The following RASA1 variants were observed in gnomAD, a reference collection of about 807,000 sequenced individuals.
RASA1 encodes ras GTPase-activating protein 1.
RASA1 carries 25 observed loss-of-function variants against 132.2 expected under a neutral mutation model. The ratio of observed to expected loss-of-function variants is 0.19; its 90% CI spans 0.14 to 0.26. The LOEUF is 0.26. Among genes scored for constraint, RASA1 ranks in the 10% least tolerant of loss-of-function variants. RASA1 has a pLI of 1.00. For synonymous variants in RASA1, 477 were observed against 449.9 expected (o/e 1.06, Z -0.76); for missense variants, 964 against 1,299.2 (o/e 0.74, Z 3.97).
rs572913754 is a variant in RASA1 at position 87,346,717 on chromosome 5, A to C, written c.1095A>C (p.Leu365=). Residue 365 remains leucine, a synonymous_variant, in exon 7 of 25, where the codon CTA becomes CTC. Transcript: ENST00000274376. ...KISKQEAYNL[L]MTVGQVCSFL... is the part of the protein sequence containing the mutation. ...CCAAACAGGAAGCTTATAATTTACT[A>C]ATGACAGGTACTTACATATTTACTT... 1.9e-6 allele frequency: 3 copies of C among 1,549,090 alleles called. No homozygotes were observed. In the South Asian group the frequency reaches 3.4e-5, roughly 17 times the overall value.
In RASA1 at chr5:87,268,116, T is replaced by G. The variant is rs1420614472; in HGVS notation, c.-336T>G. 9.5e-6 allele frequency: 4 copies of G among 422,010 alleles called. No individual in the cohort carries two copies. The highest frequency in any genetic ancestry group is 1.7e-5 in the Non-Finnish European group (4 of 239,470). The allele number at this position is 422,010 out of a possible 1,614,324, so 26.1% of individuals were successfully genotyped here. Reference sequence around the variant, plus strand: ...CGGTAGCAGCCTCAGCCTCTTTCCCTGTGCTTCCTTTCCTCTTTAGTGCAG... The same window carrying G: ...CGGTAGCAGCCTCAGCCTCTTTCCCGGTGCTTCCTTTCCTCTTTAGTGCAG... On this transcript the variant is annotated 5_prime_UTR_variant, in exon 1 of 25. Transcript: ENST00000274376.
chr5:87,372,374 A>G (rs1365686909), intron 13 of RASA1, among the ~76,000 whole-genome samples, 179 bp downstream of exon 13: 1 of 152,182 alleles, frequency 6.6e-6, no homozygotes, highest in African/African-American at 2.4e-5. Context: ...TTCTTAGTCC[A>G]TGCCAACTGT....
intron 1 of RASA1, among the ~76,000 whole-genome samples, chr5:87,279,085 A>G (rs926197223): frequency 6.6e-6 from 1 of 152,076 alleles, no homozygotes; most frequent in Non-Finnish European, 1.5e-5. Flanking sequence ...CTCTACAAAA[A>G]AAACAAAAAT....
intron 1 of RASA1, among the ~76,000 whole-genome samples, chr5:87,300,971 G>T (rs1283566998): frequency 6.6e-6 from 1 of 152,156 alleles, no homozygotes; most frequent in African/African-American, 2.4e-5. Context: ...TCCTGGCTGT[G>T]AGTCACCCAT....
At chr5:87,330,485 G>T (rs191097875) in intron 1 of RASA1, among the ~76,000 whole-genome samples, 3 of 152,190 alleles carry the variant, frequency 2.0e-5, no homozygotes, top group Admixed American at 2.0e-4. Flanking sequence ...GATGAGTTTG[G>T]CTAAACTATC....
At chr5:87,372,027 A>AT in intron 12 of RASA1, 91 bp from the exon 13 acceptor site, 1 of 1,024,302 alleles carries the variant, frequency 9.8e-7, no homozygotes, top group South Asian at 1.5e-5. Context: ...GAAGGAAAAA[A>AT]TTGTTGAATT....
intron 1 of RASA1, among the ~76,000 whole-genome samples, chr5:87,286,837 T>C (rs181857260): frequency 5.7e-4 from 86 of 149,918 alleles, no homozygotes; most frequent in East Asian, 4.5e-3. Context: ...CATATATATA[T>C]ACCATATATA....
chr5:87,269,024 G>C (rs1753702242), intron 1 of RASA1, 34 bp downstream of exon 1: 1 of 1,614,252 alleles, frequency 6.2e-7, no homozygotes, highest in African/African-American at 1.3e-5. Context: ...AATTTGGGAA[G>C]CTGGCTCCAG....
chr5:87,340,412 T>G (rs1487078772), intron 5 of RASA1, among the ~76,000 whole-genome samples: 1 of 152,044 alleles, frequency 6.6e-6, no homozygotes, highest in East Asian at 1.9e-4. Flanking sequence ...TGCTATTCAT[T>G]TTTATAGTTT....
At chr5:87,281,375 A>G (rs1200442803) in intron 1 of RASA1, among the ~76,000 whole-genome samples, 1 of 151,178 alleles carries the variant, frequency 6.6e-6, no homozygotes, top group East Asian at 2.0e-4. Context: ...CCTGAGTTCA[A>G]GTGATTATCC....
intron 15 of RASA1, among the ~76,000 whole-genome samples, chr5:87,375,401 C>T (rs957875431): frequency 2.0e-5 from 3 of 151,982 alleles, no homozygotes; most frequent in Non-Finnish European, 4.4e-5. Context: ...TCTGGGACTA[C>T]AGGCGCCCGC....
intron 1 of RASA1, among the ~76,000 whole-genome samples, chr5:87,311,884 T>C (rs1301231504): frequency 1.3e-5 from 2 of 152,336 alleles, no homozygotes; most frequent in South Asian, 2.1e-4. Flanking sequence ...GGCACTCTTA[T>C]TAAGCAGGAT....
chr5:87,335,604 TTA>T (rs1414940237), intron 4 of RASA1, among the ~76,000 whole-genome samples: 1 of 151,668 alleles, frequency 6.6e-6, no homozygotes, highest in Non-Finnish European at 1.5e-5. Flanking sequence ...TTTGATATTT[TTA>T]GTAGAGATGG....
chr5:87,379,624 A>T (rs1761565679), intron 18 of RASA1, 111 bp from the exon 19 acceptor site: 2 of 1,425,194 alleles, frequency 1.4e-6, no homozygotes, highest in Admixed American at 4.7e-5. Flanking sequence ...CAATACACAC[A>T]GAGATACCGA....
chr5:87,365,044 CAGTAAA>C (rs1200680909), intron 11 of RASA1, among the ~76,000 whole-genome samples: 1 of 152,054 alleles, frequency 6.6e-6, no homozygotes, highest in East Asian at 1.9e-4. Context: ...CAGTTAAAAA[CAGTAAA>C]AGTAGAATAT....
chr5:87,334,889 CT>C (rs1353348896), intron 4 of RASA1, among the ~76,000 whole-genome samples: 180 of 144,650 alleles, frequency 1.2e-3, no homozygotes, highest in Non-Finnish European at 1.4e-3. Context: ...TAGTTTGTTC[CT>C]TTTTTTTTTT....
intron 1 of RASA1, 84 bp from the exon 2 acceptor site, chr5:87,331,264 C>A: frequency 7.3e-7 from 1 of 1,373,630 alleles, no homozygotes; most frequent in Non-Finnish European, 1.0e-6. Flanking sequence ...GCATTTAAAA[C>A]CTCTAGTAGT....
At chr5:87,288,327 T>A (rs1019646406) in intron 1 of RASA1, among the ~76,000 whole-genome samples, 1 of 151,952 alleles carries the variant, frequency 6.6e-6, no homozygotes, top group Non-Finnish European at 1.5e-5. Context: ...TTGAAGTTGA[T>A]GTAATATGAC....
At chr5:87,287,002 T>C (rs557126257) in intron 1 of RASA1, among the ~76,000 whole-genome samples, 10 of 143,372 alleles carry the variant, frequency 7.0e-5, no homozygotes, top group Non-Finnish European at 1.1e-4. Context: ...ACCATATATA[T>C]ACCATATATA....
Sources: gnomAD v4.1 joint callset for allele counts (sites outside exome capture counted in the v4.1 genomes callset) on GRCh38, gnomAD v4.1.1 for gene constraint, MANE v1.5 for transcripts, NCBI Gene and HGNC (gene_info 2026-07-23, HGNC 2026-07-21) for gene names.